CECR2: variants seen among roughly 807,000 people sequenced by gnomAD.
The protein encoded by CECR2 is CECR2 histone acetyl-lysine reader, also known as chromatin remodeling regulator CECR2.
A neutral mutation model predicts 154.5 loss-of-function variants in CECR2; 30 were observed. That is an observed-to-expected ratio of 0.19 (90% CI 0.15 to 0.26). CECR2 has a LOEUF of 0.26. Among genes scored for constraint, CECR2 ranks in the 10% least tolerant of loss-of-function variants. The pLI, the probability that CECR2 is intolerant of heterozygous loss-of-function variation, is 1.00. For missense variants in CECR2, 1,743 were observed against 1,829.3 expected (o/e 0.95, Z 0.86); for synonymous variants, 725 against 683.7 (o/e 1.06, Z -0.94).
chr22:17,401,332 A>G (rs2053887911), intron 1 of CECR2, among the ~76,000 whole-genome samples: 1 of 152,196 alleles, frequency 6.6e-6, no homozygotes, highest in Non-Finnish European at 1.5e-5. Flanking sequence ...TCTACTGCAA[A>G]TATTTATGTG....
rs1569176186 is a variant in CECR2, at chr22:17,548,125, CCTCT to C, written c.2861-22_2861-19del. ...TTTCAGCTACTGAGTTATTTTTTCT[CCTCT>C]TTTTTTTTTTTTTTGCAGCAGAGCC... On this transcript the variant is annotated intron_variant, in intron 16 of 18. Coordinates refer to ENST00000262608, the MANE Select transcript of CECR2 (RefSeq NM_001290047.2). 2.1e-6 allele frequency: 3 copies of C among 1,419,518 alleles called. No homozygotes were observed. Among genetic ancestry groups the C allele is most frequent in the South Asian group, 1.3e-5 (1 of 75,276 alleles). 87.9% of individuals were successfully genotyped at this position (1,419,518 alleles called of 1,614,324 possible).
chr22:17,522,330 G>T (rs893597263), intron 8 of CECR2, among the ~76,000 whole-genome samples: 4 of 152,292 alleles, frequency 2.6e-5, no homozygotes, highest in African/African-American at 9.6e-5. Context: ...AGATGTTGCT[G>T]GAACAATTAA....
intron 1 of CECR2, among the ~76,000 whole-genome samples, chr22:17,378,980 T>A (rs1434969555): frequency 6.6e-6 from 1 of 152,014 alleles, no homozygotes; most frequent in Non-Finnish European, 1.5e-5. Flanking sequence ...GAGACAGAGT[T>A]TTGCTTTTGT....
chr22:17,371,946 AATT>A (rs1480327689), intron 1 of CECR2, among the ~76,000 whole-genome samples: 1 of 152,236 alleles, frequency 6.6e-6, no homozygotes, highest in Non-Finnish European at 1.5e-5. Flanking sequence ...TAGCTGGTTT[AATT>A]CCTAAAGGAA....
intron 7 of CECR2, 96 bp downstream of exon 7, chr22:17,505,112 TC>T: frequency 8.2e-7 from 1 of 1,220,862 alleles, no homozygotes; most frequent in Middle Eastern, 2.3e-4. Context: ...CACCCCACTG[TC>T]CTGGAAATAG....
At chr22:17,431,183 C>T (rs537296908) in intron 1 of CECR2, among the ~76,000 whole-genome samples, 1 of 152,308 alleles carries the variant, frequency 6.6e-6, no homozygotes, top group Admixed American at 6.5e-5. Context: ...TTTAATCAGG[C>T]ATTTAATATA....
At chr22:17,381,278 G>A (rs2063185562) in intron 1 of CECR2, among the ~76,000 whole-genome samples, 1 of 152,178 alleles carries the variant, frequency 6.6e-6, no homozygotes, top group Admixed American at 6.5e-5. Flanking sequence ...CCTTTGTGGT[G>A]TTAAAGCAGC....
intron 1 of CECR2, among the ~76,000 whole-genome samples, chr22:17,402,394 A>C (rs938511085): frequency 7.2e-5 from 11 of 152,232 alleles, no homozygotes; most frequent in African/African-American, 2.4e-4. Context: ...GGGCTCAGCA[A>C]ACTTTTCCTG....
At chr22:17,451,044 C>G (rs1478929106) in intron 1 of CECR2, among the ~76,000 whole-genome samples, 2 of 152,368 alleles carry the variant, frequency 1.3e-5, no homozygotes, top group East Asian at 3.9e-4. Flanking sequence ...CGTTCCCACT[C>G]CGTGTCAAAG....
At chr22:17,362,458 G>T (rs2062981685) in intron 1 of CECR2, among the ~76,000 whole-genome samples, 1 of 152,152 alleles carries the variant, frequency 6.6e-6, no homozygotes, top group Admixed American at 6.6e-5. Context: ...ACTGCAAAAT[G>T]TAACTAGTCC....
rs563521386 is a variant in CECR2 at position 17,420,281 on chromosome 22, T to C, written c.126+50372T>C. On this transcript the variant is annotated intron_variant, in intron 1 of 18. Transcript: ENST00000262608. Reference sequence around the variant, plus strand: ...TGCGATGGATTCCAAATAAAGAATTTAGAAATATGGGAAGATTTAATTATG... The same window carrying C: ...TGCGATGGATTCCAAATAAAGAATTCAGAAATATGGGAAGATTTAATTATG... Among the ~76,000 whole-genome samples, 15 of 150,530 alleles carry C rather than the reference T, an allele frequency of 1.0e-4. No individual in the cohort carries two copies. In the South Asian group the frequency reaches 2.7e-3, roughly 27 times the overall value.
intron 1 of CECR2, among the ~76,000 whole-genome samples, chr22:17,407,411 C>T (rs1361750705): frequency 1.3e-5 from 2 of 152,304 alleles, no homozygotes; most frequent in South Asian, 2.1e-4. Flanking sequence ...CCCTGGCCAA[C>T]ATAGTGAAAC....
chr22:17,370,004 GC>G (rs1467049420), intron 1 of CECR2, 95 bp downstream of exon 1: 1 of 151,330 alleles, frequency 6.6e-6, no homozygotes, highest in Non-Finnish European at 1.5e-5. Flanking sequence ...AGGGGCCGGG[GC>G]CCGAGGGACT....
intron 2 of CECR2, among the ~76,000 whole-genome samples, chr22:17,479,357 C>A (rs1056471665): frequency 6.6e-6 from 1 of 152,188 alleles, no homozygotes; most frequent in Admixed American, 6.5e-5. Flanking sequence ...CACAAACACT[C>A]ACCAGATCTC....
At chr22:17,370,301 C>T (rs1435207111) in intron 1 of CECR2, among the ~76,000 whole-genome samples, 13 of 147,362 alleles carry the variant, frequency 8.8e-5, no homozygotes, top group Admixed American at 1.3e-4. Context: ...GAGCCAGCTG[C>T]TCCGGCGGGG....
intron 8 of CECR2, among the ~76,000 whole-genome samples, chr22:17,521,058 C>A (rs1210194151): frequency 1.3e-5 from 2 of 152,000 alleles, no homozygotes; most frequent in Admixed American, 6.5e-5. Flanking sequence ...CTCCCACCAA[C>A]AGCGTAAAAG....
chr22:17,550,025 CTG>C (rs2056684814), intron 17 of CECR2, among the ~76,000 whole-genome samples: 1 of 151,940 alleles, frequency 6.6e-6, no homozygotes, highest in Non-Finnish European at 1.5e-5. Flanking sequence ...GTTGTACACT[CTG>C]TAGGAAGGTA....
chr22:17,400,511 T>A (rs1323553629), intron 1 of CECR2, among the ~76,000 whole-genome samples: 1 of 150,864 alleles, frequency 6.6e-6, no homozygotes, highest in East Asian at 1.9e-4. Context: ...AGAAATGTCC[T>A]TTTTCTCGTG....
intron 1 of CECR2, among the ~76,000 whole-genome samples, chr22:17,475,140 G>T (rs1167787075): frequency 1.3e-5 from 2 of 152,136 alleles, no homozygotes; most frequent in South Asian, 2.1e-4. Flanking sequence ...GGGGAGCTTG[G>T]CTGGGAAGAC....
Sources: allele counts gnomAD v4.1 joint callset (sites outside exome capture counted in the v4.1 genomes callset), GRCh38; gene constraint gnomAD v4.1.1; transcripts MANE v1.5; gene names NCBI Gene and HGNC (gene_info 2026-07-23, HGNC 2026-07-21).